Variants in WNT7B observed in about 807,000 individuals in gnomAD.
The protein encoded by WNT7B is Wnt family member 7B, also known as protein Wnt-7b.
Under a neutral mutation model 38.2 loss-of-function variants are expected in WNT7B, and 19 were observed. The observed-to-expected ratio is 0.50, with a 90% CI of 0.35 to 0.73. The LOEUF is 0.73. WNT7B is among the 30% of genes least tolerant of loss of function. The probability of loss-of-function intolerance (pLI) is 0.01; values close to 1 mark genes in which losing one functional copy is unlikely to be tolerated. For missense variants in WNT7B, 423 were observed against 507.9 expected, an observed-to-expected ratio of 0.83 and a Z score of 1.61; for synonymous variants, 243 against 209.3, an observed-to-expected ratio of 1.16 and a Z score of -1.39.
chr22:45,964,908 C>T (rs947445666), intron 1 of WNT7B, among the ~76,000 whole-genome samples: 1 of 152,174 alleles, frequency 6.6e-6, no homozygotes, highest in African/African-American at 2.4e-5. Context: ...CTCCTCAGCC[C>T]TGGAGTGTCC....
intron 3 of WNT7B, among the ~76,000 whole-genome samples, chr22:45,930,561 A>G (rs1931310375): frequency 6.6e-6 from 1 of 151,822 alleles, no homozygotes; most frequent in Non-Finnish European, 1.5e-5. Flanking sequence ...AATTTCCTCC[A>G]TTGCCACCCA....
intron 1 of WNT7B, among the ~76,000 whole-genome samples, chr22:45,973,145 GC>G (rs536549847): frequency 5.8e-4 from 88 of 152,378 alleles, no homozygotes; most frequent in African/African-American, 1.9e-3. Context: ...CCCCACTCTG[GC>G]TTCCCCATCC....
intron 1 of WNT7B, among the ~76,000 whole-genome samples, chr22:45,974,139 C>T (rs930690844): frequency 1.3e-5 from 2 of 152,156 alleles, no homozygotes; most frequent in Admixed American, 1.3e-4. Flanking sequence ...CACATATCTC[C>T]AGCACCCACA....
At chr22:45,925,885 C>A in intron 3 of WNT7B, 4 of 985,370 alleles carry the variant, frequency 4.1e-6, no homozygotes, top group Non-Finnish European at 4.8e-6. Context: ...GTGCAGGCCA[C>A]GTGGTCTAGG....
intron 3 of WNT7B, chr22:45,927,584 A>C (rs781080493): frequency 2.8e-6 from 3 of 1,052,900 alleles, no homozygotes; most frequent in Non-Finnish European, 4.3e-6. Flanking sequence ...CCTAAATCCA[A>C]TGAGAGTGTC....
At chr22:45,968,965 A>G (rs1460271201) in intron 1 of WNT7B, among the ~76,000 whole-genome samples, 1 of 152,230 alleles carries the variant, frequency 6.6e-6, no homozygotes, top group Non-Finnish European at 1.5e-5. Context: ...AGACCTGGAT[A>G]GACGCAGACC....
intron 2 of WNT7B, among the ~76,000 whole-genome samples, chr22:45,932,416 A>C (rs1008727970): frequency 1.6e-3 from 224 of 142,660 alleles, no homozygotes; most frequent in Middle Eastern, 3.6e-3. Context: ...GCCTTCCCAG[A>C]CCCCCCCCGC....
At chr22:45,970,431 GGCACCACCTT>G (rs71717969) in intron 1 of WNT7B, among the ~76,000 whole-genome samples, 47,114 of 151,866 alleles carry the variant, frequency 0.31, 8,288 homozygotes, top group African/African-American at 0.48. Context: ...AGGTACACTG[GGCACCACCTT>G]GCCCCAGAGG....
chr22:45,967,101 G>A lies in WNT7B; in HGVS notation c.71+9583C>T, dbSNP rs991162167. The stretch of plus-strand genomic sequence containing the variant: ...GAAGACAAGGAAGGGGGGAGGGAGC[G>A]CACCTGTACCCACCCCCACCCTGCC... On this transcript the variant is annotated intron_variant, in intron 1 of 3. Coordinates refer to ENST00000339464, the MANE Select transcript of WNT7B (RefSeq NM_058238.3). Among the ~76,000 whole-genome samples the A allele has an allele frequency of 4.6e-5, 7 of 152,290 alleles. No individual in the cohort carries two copies. In the South Asian group the frequency reaches 8.3e-4, roughly 18 times the overall value.
intron 1 of WNT7B, chr22:45,972,603 C>G (rs889732844): frequency 2.6e-5 from 4 of 153,942 alleles, no homozygotes; most frequent in Admixed American, 2.0e-4. Context: ...TTGGACGGGC[C>G]GCCCCTACAT....
At chr22:45,954,666 C>T (rs1932019461) in intron 1 of WNT7B, 1 of 985,186 alleles carries the variant, frequency 1.0e-6, no homozygotes, top group African/African-American at 1.7e-5. Context: ...ATACAGGCTC[C>T]TGCACTGTAT....
At chr22:45,924,087 C>T (rs575278641) in intron 3 of WNT7B, among the ~76,000 whole-genome samples, 6 of 152,174 alleles carry the variant, frequency 3.9e-5, no homozygotes, top group African/African-American at 1.4e-4. Context: ...TTACCCGGAT[C>T]GAAAGGGCCC....
chr22:45,936,008 G>T, intron 2 of WNT7B: 7 of 985,360 alleles, frequency 7.1e-6, no homozygotes, highest in Non-Finnish European at 8.4e-6. Flanking sequence ...TGTACCCCCA[G>T]ATTCTAGAGC....
intron 1 of WNT7B, among the ~76,000 whole-genome samples, chr22:45,955,756 C>T (rs1932044353): frequency 6.6e-6 from 1 of 152,182 alleles, no homozygotes; most frequent in African/African-American, 2.4e-5. Context: ...CTGGGCCAGT[C>T]CACTGCAGGG....
At chr22:45,941,392 T>C (rs1160455646) in intron 2 of WNT7B, among the ~76,000 whole-genome samples, 1 of 150,838 alleles carries the variant, frequency 6.6e-6, no homozygotes, top group Non-Finnish European at 1.5e-5. Context: ...GGGCCTGTAA[T>C]CCCAGCTACT....
intron 1 of WNT7B, among the ~76,000 whole-genome samples, chr22:45,958,168 C>T (rs926725049): frequency 2.6e-5 from 4 of 152,202 alleles, no homozygotes; most frequent in East Asian, 3.8e-4. Context: ...AGCAGTGATG[C>T]GGAGGCCAGG....
Position 45,965,537 on chromosome 22 carries a change from G to A in WNT7B, c.71+11147C>T, listed in dbSNP as rs1932293507. Among the ~76,000 whole-genome samples the A allele has an allele frequency of 6.6e-6, 1 of 152,120 alleles. No individual in the cohort carries two copies. Among genetic ancestry groups the A allele is most frequent in the African/African-American group, 2.4e-5 (1 of 41,408 alleles). On this transcript the variant is annotated intron_variant, in intron 1 of 3. Coordinates refer to ENST00000339464, the MANE Select transcript of WNT7B (RefSeq NM_058238.3). The surrounding 1 kb of genome is among the most constrained non-coding windows in gnomAD (Gnocchi z 6.5). ...CCACCACCCAGATGGGGAAACTGAG[G>A]CCCAGAGAAGGGGAGGGATACCCTC...
At chr22:45,955,932 G>T (rs150846767) in intron 1 of WNT7B, among the ~76,000 whole-genome samples, 1,798 of 152,286 alleles carry the variant, frequency 0.012, 31 homozygotes, top group African/African-American at 0.039. Context: ...CCCTGTACAA[G>T]GAGGGGCTGC....
chr22:45,966,587 CG>C lies in WNT7B; in HGVS notation c.71+10096del, dbSNP rs1254265859. On this transcript the variant is annotated intron_variant, in intron 1 of 3. Transcript: ENST00000339464. The surrounding 1 kb of genome is among the most constrained non-coding windows in gnomAD (Gnocchi z 4.2). The stretch of plus-strand genomic sequence containing the variant: ...CACCCGGCAAGCTGCTCGTCGGGTG[CG>C]GTGGCTTCCTCCCAGGCCCAGCTCC... Among the ~76,000 whole-genome samples, 1 of 152,206 alleles carries C rather than the reference CG, an allele frequency of 6.6e-6. No individual in the cohort carries two copies. The highest frequency in any genetic ancestry group is 2.4e-5 in the African/African-American group (1 of 41,438).
Sources: gnomAD v4.1 joint callset for allele counts (sites outside exome capture counted in the v4.1 genomes callset) on GRCh38, gnomAD v4.1.1 for gene constraint, Gnocchi (gnomAD v3.1) non-coding constraint, MANE v1.5 for transcripts, NCBI Gene and HGNC (gene_info 2026-07-23, HGNC 2026-07-21) for gene names.